SV2C: variants seen among roughly 807,000 people sequenced by gnomAD.
The protein encoded by SV2C is solute carrier family 22 member B3.
Under a neutral mutation model 79.7 loss-of-function variants are expected in SV2C, and 49 were observed. The ratio of observed to expected loss-of-function variants is 0.61; its 90% confidence interval spans 0.49 to 0.78. The LOEUF (loss-of-function observed/expected upper bound fraction) is 0.78. Among genes scored for constraint, SV2C ranks in the 30% least tolerant of loss-of-function variants. SV2C has a pLI of 0.00. For synonymous variants in SV2C, 334 were observed against 333.2 expected, an observed-to-expected ratio of 1.00 and a Z score of -0.03; for missense variants, 833 against 912.9, an observed-to-expected ratio of 0.91 and a Z score of 1.13.
At position 76,133,511 on chromosome 5, in the gene SV2C, A is replaced by G. The variant is rs193149409; in HGVS notation, c.580+1181A>G. On this transcript the variant is annotated intron_variant, in intron 2 of 12. Coordinates refer to ENST00000502798, the MANE Select transcript of SV2C (RefSeq NM_014979.4). ...ACTCATGAATGAGAAAATGATATAC[A>G]TCTTTTTATTCCTTTAACACTTGTT... 7.9e-5 allele frequency among the ~76,000 whole-genome samples: 12 copies of G among 152,376 alleles called. No homozygotes were observed. The East Asian group carries it at 2.1e-3, about 27-fold the overall frequency.
chr5:76,153,327 C>T (rs1270103074), intron 2 of SV2C, among the ~76,000 whole-genome samples: 1 of 152,170 alleles, frequency 6.6e-6, no homozygotes, highest in Non-Finnish European at 1.5e-5. Context: ...TACCTTCCTT[C>T]GGCCTTGGCA....
chr5:76,006,640 A>G, the SV2C span, among the ~76,000 whole-genome samples: 1 of 151,936 alleles, frequency 6.6e-6, no homozygotes, highest in Admixed American at 6.6e-5. Flanking sequence ...TGGGATTGGG[A>G]GTGTTGGTCC....
intron 1 of SV2C, among the ~76,000 whole-genome samples, chr5:76,107,024 A>G: frequency 6.6e-6 from 1 of 152,208 alleles, no homozygotes; most frequent in East Asian, 1.9e-4. Flanking sequence ...ACAAATCATA[A>G]ATAGAAACTC....
At chr5:75,880,567 T>C in the SV2C span, among the ~76,000 whole-genome samples, 5 of 152,204 alleles carry the variant, frequency 3.3e-5, no homozygotes, top group Admixed American at 1.3e-4. Flanking sequence ...TGACCTTTGC[T>C]CCAGTTCCCA....
chr5:76,094,631 C>T (rs1045463893), intron 1 of SV2C, among the ~76,000 whole-genome samples: 2 of 152,052 alleles, frequency 1.3e-5, no homozygotes, highest in African/African-American at 4.8e-5. Flanking sequence ...TATGAACATC[C>T]TTGTGCATGT....
the SV2C span, among the ~76,000 whole-genome samples, chr5:75,892,760 G>T: frequency 2.0e-5 from 3 of 152,056 alleles, no homozygotes; most frequent in Non-Finnish European, 2.9e-5. Context: ...CAAAAGACAT[G>T]ATTTTATTCT....
the SV2C span, among the ~76,000 whole-genome samples, chr5:75,857,241 G>C: frequency 1.3e-5 from 2 of 152,236 alleles, no homozygotes; most frequent in Admixed American, 6.5e-5. Flanking sequence ...ACAGGTGTGA[G>C]CCACCGCGCC....
intron 9 of SV2C, among the ~76,000 whole-genome samples, chr5:76,296,707 A>G (rs1187661825): frequency 1.3e-5 from 2 of 152,248 alleles, no homozygotes; most frequent in Non-Finnish European, 2.9e-5. Context: ...AAACTCTAAA[A>G]TAATCAAAGT....
chr5:75,967,531 A>T, the SV2C span, among the ~76,000 whole-genome samples: 1 of 152,198 alleles, frequency 6.6e-6, no homozygotes, highest in Admixed American at 6.5e-5. Flanking sequence ...TATATCCCGC[A>T]CATGGCTCAG....
At position 76,245,851 on chromosome 5, in the gene SV2C, A is replaced by C. The variant is rs112038212; in HGVS notation, c.913+35964A>C. Among the ~76,000 whole-genome samples the C allele has an allele frequency of 3.6e-3, 550 of 152,224 alleles. 3 individuals carry two copies. Among genetic ancestry groups the C allele is most frequent in the African/African-American group, 0.012 (513 of 41,536 alleles). ...AAGAAGACAATTCAGTAAATGGCCC[A>C]CTAAAACACTGCAGTATAAACTAAA... On this transcript the variant is annotated intron_variant, in intron 4 of 12. Coordinates refer to ENST00000502798, the MANE Select transcript of SV2C (RefSeq NM_014979.4).
At chr5:75,861,747 T>C in the SV2C span, among the ~76,000 whole-genome samples, 2 of 152,310 alleles carry the variant, frequency 1.3e-5, no homozygotes, top group East Asian at 1.9e-4. Flanking sequence ...TTCTCACTTA[T>C]AAGTGGGAGC....
chr5:75,936,287 T>G, the SV2C span, among the ~76,000 whole-genome samples: 1 of 152,154 alleles, frequency 6.6e-6, no homozygotes, highest in Non-Finnish European at 1.5e-5. Context: ...CTCCTCTGCT[T>G]TTTGTTTGCT....
At chr5:76,036,404 A>G in the SV2C span, among the ~76,000 whole-genome samples, 1 of 152,018 alleles carries the variant, frequency 6.6e-6, no homozygotes, top group Non-Finnish European at 1.5e-5. Flanking sequence ...TTCCATGTTT[A>G]GTGCTTCCTT....
chr5:76,022,317 C>G, the SV2C span, among the ~76,000 whole-genome samples: 2 of 152,208 alleles, frequency 1.3e-5, no homozygotes, highest in African/African-American at 4.8e-5. Context: ...ACAGTGCACA[C>G]TTCAGGATCA....
chr5:75,919,482 T>C, the SV2C span, among the ~76,000 whole-genome samples: 1 of 152,260 alleles, frequency 6.6e-6, no homozygotes, highest in Non-Finnish European at 1.5e-5. Context: ...AAATTTCAAA[T>C]AATATTATTG....
the SV2C span, among the ~76,000 whole-genome samples, chr5:75,882,779 C>T: frequency 7.0e-6 from 1 of 143,608 alleles, no homozygotes; most frequent in East Asian, 1.9e-4. Context: ...ACATGTTAGA[C>T]CTAAAACCAT....
the SV2C span, chr5:75,911,204 C>T: frequency 2.5e-6 from 4 of 1,590,808 alleles, no homozygotes; most frequent in Non-Finnish European, 3.4e-6. Flanking sequence ...AATGGCCCTG[C>T]CCAGGCCCAG....
At chr5:76,300,160 ATT>A (rs1747935175) in intron 10 of SV2C, among the ~76,000 whole-genome samples, 2 of 39,920 alleles carry the variant, frequency 5.0e-5, no homozygotes, top group Admixed American at 4.1e-4. Context: ...ATAAAAAATT[ATT>A]ATTATTATTA....
chr5:76,110,709 G>A (rs2112138316), intron 1 of SV2C, among the ~76,000 whole-genome samples: 1 of 152,370 alleles, frequency 6.6e-6, no homozygotes, highest in South Asian at 2.1e-4. Flanking sequence ...TAGCTCTGTT[G>A]TTCGCAATTT....
Sources: gnomAD v4.1 joint callset for allele counts (sites outside exome capture counted in the v4.1 genomes callset) on GRCh38, gnomAD v4.1.1 for gene constraint, MANE v1.5 for transcripts, NCBI Gene and HGNC (gene_info 2026-07-23, HGNC 2026-07-21) for gene names.